The following MRPS7 variants were observed in gnomAD, a reference collection of about 807,000 sequenced individuals.
The protein encoded by MRPS7 is mitochondrial ribosomal protein S7.
In MRPS7, 13 loss-of-function variants were observed where a neutral mutation model predicts 26.2. That is an observed-to-expected ratio of 0.50 (90% CI 0.32 to 0.79). The LOEUF (loss-of-function observed/expected upper bound fraction) is 0.79, where lower values mean the gene tolerates loss of function less well. Among genes scored for constraint, MRPS7 ranks in the 30% least tolerant of loss-of-function variants. The pLI is 0.03. For synonymous variants in MRPS7, 129 were observed against 113.3 expected, an observed-to-expected ratio of 1.14 and a Z score of -0.88; for missense variants, 318 against 312.2, an observed-to-expected ratio of 1.02 and a Z score of -0.14.
Position 75,262,536 on chromosome 17 carries a change from C to T in MRPS7, c.123C>T (p.Phe41=), listed in dbSNP as rs199887365. 6.8e-6 allele frequency: 11 copies of T among 1,614,092 alleles called. No homozygotes were observed. The East Asian group carries it at 1.8e-4, about 26-fold the overall frequency. Residue 41 remains phenylalanine (F), a synonymous_variant, in exon 2 of 5, where the codon TTC becomes TTT. Transcript: ENST00000245539. The part of the protein sequence containing the change: ...QVRWSRYSPE[F]KDPLIDKEYY... ...GATGGAGCCGCTATAGTCCTGAATT[C>T]AAGGATCCCTTGATTGACAAGGAAT...
At chr17:75,263,688 G>C in intron 4 of MRPS7, 181 bp downstream of exon 4, 1 of 750,888 alleles carries the variant, frequency 1.3e-6, no homozygotes, top group South Asian at 1.8e-5. Flanking sequence ...AGAGACAGCA[G>C]GGCAACATAG....
rs182545935 is a variant in MRPS7, at chr17:75,264,942, A to C, written c.508-760A>C. 1.1e-4 allele frequency among the ~76,000 whole-genome samples: 16 copies of C among 152,164 alleles called. No homozygotes were observed. The East Asian group carries it at 3.1e-3, about 29-fold the overall frequency. On this transcript the variant is annotated intron_variant, in intron 4 of 4. Transcript: ENST00000245539. ...TTTAGGTACCTATGGTCTGAGGTGGATTAGTCACCCCAGCTAATGGGGCTT... is the reference window on the plus strand; with the variant it reads ...TTTAGGTACCTATGGTCTGAGGTGGCTTAGTCACCCCAGCTAATGGGGCTT...
Position 75,265,980 on chromosome 17 carries a change from A to G in MRPS7, c.*57A>G. On this transcript the variant is annotated 3_prime_UTR_variant, in exon 5 of 5. Coordinates refer to ENST00000245539, the MANE Select transcript of MRPS7 (RefSeq NM_015971.4). Reference sequence around the variant, plus strand: ...GCAAGAAACAGTGTGAGCTACTGCCACGCTGAAAACTACCTGTGGGTTAAG... The same window carrying G: ...GCAAGAAACAGTGTGAGCTACTGCCGCGCTGAAAACTACCTGTGGGTTAAG... 6.6e-7 allele frequency: 1 copy of G among 1,516,424 alleles called. No individual in the cohort carries two copies. The highest frequency in any genetic ancestry group is 1.7e-5 in the Admixed American group (1 of 57,682). 93.9% of individuals were successfully genotyped at this position (1,516,424 alleles called of 1,614,324 possible).
intron 4 of MRPS7, among the ~76,000 whole-genome samples, chr17:75,264,914 G>A (rs2077461655): frequency 6.6e-6 from 1 of 151,756 alleles, no homozygotes; most frequent in Non-Finnish European, 1.5e-5. Context: ...AAGGGGTCTT[G>A]TTTTTAGGTA....
Position 75,266,075 on chromosome 17 carries a change from ATCCT to A in MRPS7, c.*155_*158del. The A allele has an allele frequency of 1.5e-6, 1 of 673,098 alleles. No individual in the cohort carries two copies. The highest frequency in any genetic ancestry group is 1.8e-5 in the African/African-American group (1 of 55,450). The allele number at this position is 673,098 out of a possible 1,614,324, so 41.7% of individuals were successfully genotyped here. On this transcript the variant is annotated 3_prime_UTR_variant, in exon 5 of 5. Transcript: ENST00000245539. ...GTAGCAGCATATTCACTATCCGTTA[ATCCT>A]TCTTTCTTTGAGGCTGGAACTTGCT...
At chr17:75,262,432 T>A (rs767379215) in intron 1 of MRPS7, 65 bp from the exon 2 acceptor site, 1 of 1,551,814 alleles carries the variant, frequency 6.4e-7, no homozygotes, top group Admixed American at 1.8e-5. Context: ...ATGCCTATTG[T>A]TAAGTCAAAC....
At position 75,263,320 on chromosome 17, in the gene MRPS7, T is replaced by C. The variant is rs2145635464; in HGVS notation, c.340-20T>C. 1 of 1,613,826 alleles carries C rather than the reference T, an allele frequency of 6.2e-7. No individual in the cohort carries two copies. The highest frequency in any genetic ancestry group is 1.1e-5 in the South Asian group (1 of 91,068). On this transcript the variant is annotated intron_variant, in intron 3 of 4. Coordinates refer to ENST00000245539, the MANE Select transcript of MRPS7 (RefSeq NM_015971.4). ...CTTTAGGGAGCCTGGGGCAGCCTCT[T>C]CCACCATATTCTTTTGCAGACTCTG... is the stretch of plus-strand genomic sequence containing the variant.
intron 1 of MRPS7, 160 bp from the exon 2 acceptor site, chr17:75,262,337 A>G (rs746126888): frequency 5.0e-6 from 4 of 805,196 alleles, no homozygotes; most frequent in Non-Finnish European, 6.1e-6. Context: ...ATGTCCTCCT[A>G]CTTGGGACAA....
In MRPS7 at chr17:75,265,913, G is replaced by T; in HGVS notation, c.719G>T (p.Arg240Leu). 3.1e-6 allele frequency: 5 copies of T among 1,613,466 alleles called. No individual in the cohort carries two copies. The highest frequency in any genetic ancestry group is 1.7e-4 in the Middle Eastern group (1 of 6,046). ...GCCAACCGTGCCCTGGCCCACTACC[G>T]CTGGTGGTAGAGTCTCCAGGAGGAG... ...AEANRALAHY[R>L]WW Residue 240 changes from arginine (R) to leucine (L), a missense_variant, in exon 5 of 5, where the codon CGC (arginine) becomes CTC (leucine). Transcript: ENST00000245539.
chr17:75,265,474 G>A (rs552320528), intron 4 of MRPS7, among the ~76,000 whole-genome samples: 1 of 152,246 alleles, frequency 6.6e-6, no homozygotes, highest in African/African-American at 2.4e-5. Flanking sequence ...AGTGCCGGGA[G>A]AGGCCAGTGC....
intron 4 of MRPS7, among the ~76,000 whole-genome samples, 179 bp from the exon 5 acceptor site, chr17:75,265,523 C>CT (rs2077469629): frequency 6.6e-6 from 1 of 152,188 alleles, no homozygotes; most frequent in African/African-American, 2.4e-5. Context: ...CTTATGTCTG[C>CT]TACACTGGGG....
At chr17:75,264,659 CTTTTTG>C (rs2077457863) in intron 4 of MRPS7, among the ~76,000 whole-genome samples, 1 of 144,512 alleles carries the variant, frequency 6.9e-6, no homozygotes, top group South Asian at 2.2e-4. Flanking sequence ...TGTATAGGGT[CTTTTTG>C]TTTTTAACTT....
intron 3 of MRPS7, 126 bp from the exon 4 acceptor site, chr17:75,263,214 T>C: frequency 8.5e-7 from 1 of 1,178,378 alleles, no homozygotes; most frequent in Middle Eastern, 2.7e-4. Flanking sequence ...GTTTTGGATG[T>C]GCTGTGAGAG....
chr17:75,262,590 T>C lies in MRPS7; in HGVS notation c.177T>C (p.Thr59=), dbSNP rs759603273. ...ATCGCAAGCCAGTGGAGGAGCTAAC[T>C]GAGGAGGAGAAATATGTTCGGGAGC... ...EYYRKPVEEL[T]EEEKYVRELK... The change falls in exon 2 of 5, where the codon ACT becomes ACC. Residue 59 remains threonine, a synonymous_variant. Transcript: ENST00000245539. 1.9e-6 allele frequency: 3 copies of C among 1,614,070 alleles called. No homozygotes were observed. The Admixed American group carries it at 5.0e-5, about 27-fold the overall frequency.
intron 1 of MRPS7, 21 bp from the exon 2 acceptor site, chr17:75,262,476 C>A: frequency 6.2e-7 from 1 of 1,611,014 alleles, no homozygotes; most frequent in South Asian, 1.1e-5. Context: ...TTGCCTGCCT[C>A]CTCCTTTCCC....
chr17:75,262,342 G>C (rs562787764), intron 1 of MRPS7, 155 bp from the exon 2 acceptor site: 2 of 831,912 alleles, frequency 2.4e-6, no homozygotes, highest in Non-Finnish European at 3.9e-6. Flanking sequence ...CTCCTACTTG[G>C]GACAAGGGCC....
Position 75,266,076 on chromosome 17 carries a change from TC to T in MRPS7, c.*155del. The T allele has an allele frequency of 1.5e-6, 1 of 670,988 alleles. No homozygotes were observed. The highest frequency in any genetic ancestry group is 1.9e-5 in the South Asian group (1 of 52,846). The allele number at this position is 670,988 out of a possible 1,614,324, so 41.6% of individuals were successfully genotyped here. A position where few individuals can be genotyped will look rare whatever the true frequency, so the allele number is the denominator to read the frequency against. On this transcript the variant is annotated 3_prime_UTR_variant, in exon 5 of 5. Transcript: ENST00000245539. ...TAGCAGCATATTCACTATCCGTTAA[TC>T]CTTCTTTCTTTGAGGCTGGAACTTG...
Position 75,266,140 on chromosome 17 carries a change from A to G in MRPS7, c.*217A>G, listed in dbSNP as rs962161983. The G allele has an allele frequency of 2.1e-5, 12 of 574,764 alleles. No homozygotes were observed. Among genetic ancestry groups the G allele is most frequent in the African/African-American group, 5.6e-5 (3 of 53,394 alleles). The allele number at this position is 574,764 out of a possible 1,614,324, so 35.6% of individuals were successfully genotyped here. On this transcript the variant is annotated 3_prime_UTR_variant, in exon 5 of 5. Transcript: ENST00000245539. ...CTATTTCCTTGTAAAGAGGGAGCAC[A>G]TTGACTTGGGAATTTCCTCCAGGAA...
At chr17:75,262,012 G>GT (rs1555594629) in intron 1 of MRPS7, 29 bp downstream of exon 1, 1 of 1,599,556 alleles carries the variant, frequency 6.3e-7, no homozygotes, top group African/African-American at 1.3e-5. Flanking sequence ...GCGGCGGGGG[G>GT]GCGCTGCGAG....
Sources: allele counts gnomAD v4.1 joint callset (sites outside exome capture counted in the v4.1 genomes callset), GRCh38; gene constraint gnomAD v4.1.1; transcripts MANE v1.5; gene names NCBI Gene and HGNC (gene_info 2026-07-23, HGNC 2026-07-21).